CMKLR2: variants seen among roughly 807,000 people sequenced by gnomAD.
CMKLR2 encodes chemerin-like receptor 2.
Under a neutral mutation model 23.0 loss-of-function variants are expected in CMKLR2, and 18 were observed. The ratio of observed to expected loss-of-function variants is 0.78; its 90% CI spans 0.54 to 1.16. The LOEUF is 1.16. CMKLR2 is among the 50% of genes most tolerant of loss of function. CMKLR2 has a pLI of 0.00. For missense variants in CMKLR2, 401 were observed against 412.7 expected (o/e 0.97, Z 0.25); for synonymous variants, 158 against 158.9 (o/e 0.99, Z 0.05).
chr2:206,217,404 T>G (rs2105852998), upstream of CMKLR2: 2 of 152,274 alleles, frequency 1.3e-5, no homozygotes, highest in Admixed American at 1.3e-4. Flanking sequence ...CGAGGAACCA[T>G]GGCAACCCAG....
intron 1 of CMKLR2, among the ~76,000 whole-genome samples, chr2:206,188,967 G>A (rs191303396): frequency 7.5e-4 from 115 of 152,334 alleles, no homozygotes; most frequent in African/African-American, 2.6e-3. Context: ...ACTTTAAAAT[G>A]TGGCTTTAGA....
chr2:206,212,464 G>T (rs1206460802), intron 1 of CMKLR2, among the ~76,000 whole-genome samples: 19 of 151,804 alleles, frequency 1.3e-4, no homozygotes, highest in Non-Finnish European at 1.5e-5. Context: ...GGGTGAATGA[G>T]TCTGCCTTAA....
At chr2:206,216,710 G>A (rs1344569002), upstream of CMKLR2, among the ~76,000 whole-genome samples, 2 of 152,172 alleles carry the variant, frequency 1.3e-5, no homozygotes, top group Admixed American at 6.5e-5. Flanking sequence ...CATACAAATA[G>A]CATTTCTCCA....
Position 206,177,012 on chromosome 2 carries a change from A to G in CMKLR2, c.236T>C (p.Leu79Pro). The G allele has an allele frequency of 6.2e-7, 1 of 1,614,142 alleles. No homozygotes were observed. The highest frequency in any genetic ancestry group is 8.5e-7 in the Non-Finnish European group (1 of 1,179,956). ...AAGAAAAATGAAATCCGCAATGGCTAGATTGAGGAACCACAGAGTGGTGAC... is the reference window on the plus strand; with the variant it reads ...AAGAAAAATGAAATCCGCAATGGCTGGATTGAGGAACCACAGAGTGGTGAC... The part of the protein sequence containing the change: ...KTVTTLWFLN[L>P]AIADFIFLLF... The change falls in exon 2 of 2, where the codon CTA (leucine) becomes CCA (proline). Residue 79 changes from leucine to proline, a missense_variant. Coordinates refer to ENST00000621141, the MANE Select transcript of CMKLR2 (RefSeq NM_001389445.1).
intron 1 of CMKLR2, among the ~76,000 whole-genome samples, chr2:206,194,849 G>C (rs1359585825): frequency 6.7e-6 from 1 of 149,148 alleles, no homozygotes; most frequent in African/African-American, 2.5e-5. Flanking sequence ...TGCCTCCCAG[G>C]TTCACGCCGT....
chr2:206,208,482 T>G (rs1428555800), intron 1 of CMKLR2, among the ~76,000 whole-genome samples: 4 of 152,192 alleles, frequency 2.6e-5, no homozygotes, highest in Non-Finnish European at 5.9e-5. Context: ...TACAGTGAAC[T>G]GTGATAGTAC....
At chr2:206,209,585 G>A (rs1689462689) in intron 1 of CMKLR2, among the ~76,000 whole-genome samples, 1 of 150,880 alleles carries the variant, frequency 6.6e-6, no homozygotes, top group Non-Finnish European at 1.5e-5. Flanking sequence ...GTGTCCATGT[G>A]TTCTCATCAT....
At chr2:206,214,572 T>C (rs1689687803), upstream of CMKLR2, among the ~76,000 whole-genome samples, 1 of 152,100 alleles carries the variant, frequency 6.6e-6, no homozygotes, top group African/African-American at 2.4e-5. Flanking sequence ...TGCCTTGATG[T>C]GGTGAGCTTA....
At chr2:206,204,403 G>A (rs1387041877) in intron 1 of CMKLR2, among the ~76,000 whole-genome samples, 1 of 147,990 alleles carries the variant, frequency 6.8e-6, no homozygotes, top group Non-Finnish European at 1.5e-5. Context: ...GACTTTACTT[G>A]ATTCTTTCAT....
At chr2:206,204,468 C>T (rs897870229) in intron 1 of CMKLR2, among the ~76,000 whole-genome samples, 1 of 151,686 alleles carries the variant, frequency 6.6e-6, no homozygotes, top group African/African-American at 2.4e-5. Flanking sequence ...TGAAACATAG[C>T]AAATTCTCGG....
intron 1 of CMKLR2, among the ~76,000 whole-genome samples, chr2:206,204,848 A>C (rs564661050): frequency 1.3e-5 from 2 of 152,326 alleles, no homozygotes; most frequent in South Asian, 2.1e-4. Context: ...CGCTGTGTTC[A>C]TTCCATCCTT....
At chr2:206,205,283 TAAC>T (rs1185930292) in intron 1 of CMKLR2, among the ~76,000 whole-genome samples, 12 of 152,350 alleles carry the variant, frequency 7.9e-5, no homozygotes, top group African/African-American at 2.6e-4. Context: ...AATGTTCAAA[TAAC>T]AAGTTAAAAT....
At chr2:206,196,317 T>C (rs949885770) in intron 1 of CMKLR2, among the ~76,000 whole-genome samples, 1 of 152,054 alleles carries the variant, frequency 6.6e-6, no homozygotes, top group African/African-American at 2.4e-5. Flanking sequence ...CAGGTTGCAG[T>C]GAGCCAAGAT....
rs1449646735 is a variant in CMKLR2, at chr2:206,175,578, AC to A, written c.*601del. 6.6e-6 allele frequency: 1 copy of A among 152,110 alleles called. No homozygotes were observed. The highest frequency in any genetic ancestry group is 2.4e-5 in the African/African-American group (1 of 41,388). The allele number at this position is 152,110 out of a possible 1,614,324, so 9.4% of individuals were successfully genotyped here. A position where few individuals can be genotyped will look rare whatever the true frequency, so the allele number is the denominator to read the frequency against. On this transcript the variant is annotated 3_prime_UTR_variant, in exon 2 of 2. Coordinates refer to ENST00000621141, the MANE Select transcript of CMKLR2 (RefSeq NM_001389445.1). ...AATGGTGTGATGTTGGCTCACCACAACCTCTGCCTCCCAGGTTCAAGTGATT... is the reference window on the plus strand; with the variant it reads ...AATGGTGTGATGTTGGCTCACCACAACTCTGCCTCCCAGGTTCAAGTGATT...
At position 206,176,654 on chromosome 2, in the gene CMKLR2, G is replaced by A. The variant is rs1310567935; in HGVS notation, c.594C>T (p.Leu198=). ...TCAGAACATGGTGCCTGATCAAAGT[G>A]AGGTCAGGATCATGCTTCTGAAAAT... is the stretch of plus-strand genomic sequence containing the variant. The part of the protein sequence containing the change: ...YNNFQKHDPD[L]TLIRHHVLTW... The change falls in exon 2 of 2, where the codon CTC becomes CTT. Residue 198 remains leucine (L), a synonymous_variant. Transcript: ENST00000621141. 2 of 1,613,796 alleles carry A rather than the reference G, an allele frequency of 1.2e-6. No homozygotes were observed. Among genetic ancestry groups the A allele is most frequent in the Non-Finnish European group, 1.7e-6 (2 of 1,179,804 alleles).
At position 206,176,692 on chromosome 2, in the gene CMKLR2, G is replaced by A. The variant is rs2105796292; in HGVS notation, c.556C>T (p.Leu186Phe). Residue 186 changes from leucine (L) to phenylalanine (F), a missense_variant, in exon 2 of 2, where the codon CTT becomes TTT. By Grantham distance (22) the Leu-to-Phe change is conservative. Transcript: ENST00000621141. Reference protein sequence around the residue: ...RDTVEFNNHTLCYNNFQKHDP... With the variant: ...RDTVEFNNHTFCYNNFQKHDP... ...TGCTTCTGAAAATTGTTATAGCAAAGAGTATGATTATTGAACTCCACAGTG... is the reference window on the plus strand; with the variant it reads ...TGCTTCTGAAAATTGTTATAGCAAAAAGTATGATTATTGAACTCCACAGTG... 1 of 1,614,206 alleles carries A rather than the reference G, an allele frequency of 6.2e-7. No homozygotes were observed. Among genetic ancestry groups the A allele is most frequent in the East Asian group, 2.2e-5 (1 of 44,886 alleles).
chr2:206,182,393 A>G (rs992669741), intron 1 of CMKLR2, among the ~76,000 whole-genome samples: 1 of 152,166 alleles, frequency 6.6e-6, no homozygotes, highest in Non-Finnish European at 1.5e-5. Flanking sequence ...GTTGTCATTA[A>G]TTTATTTTTA....
At chr2:206,183,187 G>A (rs1277072440) in intron 1 of CMKLR2, among the ~76,000 whole-genome samples, 1 of 152,120 alleles carries the variant, frequency 6.6e-6, no homozygotes, top group Non-Finnish European at 1.5e-5. Flanking sequence ...CCTTTAGGCT[G>A]TTAGCAATTC....
At chr2:206,178,105 T>C (rs1310179827) in intron 1 of CMKLR2, among the ~76,000 whole-genome samples, 1 of 151,990 alleles carries the variant, frequency 6.6e-6, no homozygotes, top group African/African-American at 2.4e-5. Flanking sequence ...CTACAAAAAA[T>C]AAATTTTTAA....
Sources: gnomAD v4.1 joint callset for allele counts (sites outside exome capture counted in the v4.1 genomes callset) on GRCh38, gnomAD v4.1.1 for gene constraint, MANE v1.5 for transcripts, NCBI Gene and HGNC (gene_info 2026-07-23, HGNC 2026-07-21) for gene names.